SLC9A9: variants seen among roughly 807,000 people sequenced by gnomAD.
SLC9A9 encodes solute carrier family 9 member A9, also known as sodium/hydrogen exchanger 9.
SLC9A9 carries 62 observed loss-of-function variants against 77.8 expected under a neutral mutation model. The observed-to-expected ratio is 0.80, with a 90% CI of 0.65 to 0.98. The LOEUF (loss-of-function observed/expected upper bound fraction) is 0.98, where lower values mean the gene tolerates loss of function less well. SLC9A9 is among the 50% of genes least tolerant of loss of function. The probability of loss-of-function intolerance (pLI) is 0.00; values close to 1 mark genes in which losing one functional copy is unlikely to be tolerated. For synonymous variants in SLC9A9, 320 were observed against 283.5 expected (o/e 1.13, Z -1.29); for missense variants, 775 against 774.9 (o/e 1.00, Z 0.00).
At chr3:143,805,289 C>T (rs1374877363) in intron 2 of SLC9A9, among the ~76,000 whole-genome samples, 1 of 152,116 alleles carries the variant, frequency 6.6e-6, no homozygotes. Flanking sequence ...TCACCCCTTA[C>T]CACAAAATCC....
chr3:143,637,267 A>G lies in SLC9A9; in HGVS notation c.755+14988T>C, dbSNP rs534025483. Among the ~76,000 whole-genome samples the G allele has an allele frequency of 6.2e-4, 65 of 104,948 alleles. 1 individual carries two copies. Among genetic ancestry groups the G allele is most frequent in the Admixed American group, 2.5e-3 (28 of 11,114 alleles). 68.8% of individuals were successfully genotyped at this position (104,948 alleles called of 152,430 possible). On this transcript the variant is annotated intron_variant, in intron 6 of 15. Coordinates refer to ENST00000316549, the MANE Select transcript of SLC9A9 (RefSeq NM_173653.4). ...AATTCAAGATATGAATGAAAAATTT[A>G]CTACAGAGATAGATATTTAAAGAAA...
chr3:143,603,490 T>C (rs1052690043), intron 6 of SLC9A9, among the ~76,000 whole-genome samples: 2 of 152,226 alleles, frequency 1.3e-5, no homozygotes, highest in African/African-American at 4.8e-5. Context: ...TCTTGAATTA[T>C]TCTCTCTGGG....
At position 143,333,616 on chromosome 3, in the gene SLC9A9, C is replaced by T. The variant is rs561916420; in HGVS notation, c.1604+29868G>A. On this transcript the variant is annotated intron_variant, in intron 14 of 15. Transcript: ENST00000316549. ...TGGCTTTAGGAGGGGCATGCTACTG[C>T]AACCAGGTGAGCCACATGGCTTGCC... Among the ~76,000 whole-genome samples, 173 of 152,326 alleles carry T rather than the reference C, an allele frequency of 1.1e-3. 1 individual carries two copies. The highest frequency in any genetic ancestry group is 4.1e-3 in the African/African-American group (172 of 41,564).
At chr3:143,321,164 G>A (rs756644262) in intron 14 of SLC9A9, among the ~76,000 whole-genome samples, 1 of 152,142 alleles carries the variant, frequency 6.6e-6, no homozygotes, top group Non-Finnish European at 1.5e-5. Context: ...GTGGTACTTT[G>A]TTATATCAAC....
rs530484411 is a variant in SLC9A9, at chr3:143,662,679, G to A, written c.650-10319C>T. 1.4e-3 allele frequency among the ~76,000 whole-genome samples: 207 copies of A among 148,376 alleles called. 1 individual carries two copies. The highest frequency in any genetic ancestry group is 4.7e-3 in the African/African-American group (189 of 40,184). ...CTATGCCTGTCTCGGTGGGTCCTAC[G>A]CCCACGGAGCCTTGCTCACTGCTAG... On this transcript the variant is annotated intron_variant, in intron 5 of 15. Transcript: ENST00000316549.
intron 11 of SLC9A9, 110 bp from the exon 12 acceptor site, chr3:143,467,300 A>C (rs2035299024): frequency 1.6e-6 from 2 of 1,219,670 alleles, no homozygotes; most frequent in Admixed American, 2.1e-5. Flanking sequence ...TAATCTTTTT[A>C]TTTTGAGATA....
At chr3:143,660,927 C>T (rs1466089091) in intron 5 of SLC9A9, among the ~76,000 whole-genome samples, 3 of 152,190 alleles carry the variant, frequency 2.0e-5, no homozygotes, top group Non-Finnish European at 4.4e-5. Flanking sequence ...CCTATGAGGT[C>T]CTCTGTTGCT....
intron 14 of SLC9A9, among the ~76,000 whole-genome samples, chr3:143,295,278 T>G (rs1366360051): frequency 6.6e-6 from 1 of 152,238 alleles, no homozygotes; most frequent in Admixed American, 6.5e-5. Context: ...CCATTAATCC[T>G]TACTACACTC....
intron 12 of SLC9A9, among the ~76,000 whole-genome samples, chr3:143,383,952 A>C (rs564858223): frequency 6.6e-6 from 1 of 152,236 alleles, no homozygotes; most frequent in Non-Finnish European, 1.5e-5. Context: ...CTTCACAGGT[A>C]AGTGTCTTCT....
intron 9 of SLC9A9, among the ~76,000 whole-genome samples, chr3:143,502,880 G>A (rs1168772853): frequency 6.6e-6 from 1 of 151,944 alleles, no homozygotes; most frequent in African/African-American, 2.4e-5. Context: ...TCCTAACTGG[G>A]AGCTTTCTAC....
At chr3:143,654,874 A>C (rs1172987507) in intron 5 of SLC9A9, among the ~76,000 whole-genome samples, 1 of 152,166 alleles carries the variant, frequency 6.6e-6, no homozygotes, top group African/African-American at 2.4e-5. Context: ...GAAAGCTTTG[A>C]GCTTTTAAGA....
At chr3:143,787,010 T>TAGTG (rs938364371) in intron 4 of SLC9A9, among the ~76,000 whole-genome samples, 1 of 152,126 alleles carries the variant, frequency 6.6e-6, no homozygotes, top group African/African-American at 2.4e-5. Context: ...AATGAAAATA[T>TAGTG]AGTGGCTCTG....
chr3:143,640,360 A>G lies in SLC9A9; in HGVS notation c.755+11895T>C, dbSNP rs79043222. ...TTTATTATGTTAGCACCTTGGTTCC[A>G]CTTCTGCCTCATGTGTACTGTATTT... On this transcript the variant is annotated intron_variant, in intron 6 of 15. Transcript: ENST00000316549. 2.9e-4 allele frequency among the ~76,000 whole-genome samples: 44 copies of G among 152,184 alleles called. No individual in the cohort carries two copies. The East Asian group carries it at 8.1e-3, about 28-fold the overall frequency.
At chr3:143,350,398 TC>T (rs1447331199) in intron 14 of SLC9A9, among the ~76,000 whole-genome samples, 23 of 152,322 alleles carry the variant, frequency 1.5e-4, no homozygotes, top group African/African-American at 3.1e-4. Context: ...ATCTGATTCC[TC>T]ATTATTTACT....
intron 2 of SLC9A9, among the ~76,000 whole-genome samples, chr3:143,798,275 C>T (rs1017054497): frequency 9.8e-5 from 15 of 152,314 alleles, no homozygotes; most frequent in East Asian, 3.9e-4. Flanking sequence ...GTCACAGACT[C>T]GGGAAGACAG....
intron 4 of SLC9A9, among the ~76,000 whole-genome samples, chr3:143,704,351 A>G (rs6794012): frequency 0.53 from 80,433 of 151,300 alleles, 21,696 homozygotes; most frequent in Non-Finnish European, 0.57. Context: ...TGAATTCAAT[A>G]ACGCACTGAA....
chr3:143,672,284 T>C (rs4566534), intron 5 of SLC9A9, among the ~76,000 whole-genome samples: 17,740 of 152,120 alleles, frequency 0.12, 1,040 homozygotes, highest in East Asian at 0.15. Context: ...ACAAGTGTAA[T>C]ATAGGCTAAA....
At chr3:143,515,517 T>G (rs748381764) in intron 9 of SLC9A9, among the ~76,000 whole-genome samples, 3 of 152,216 alleles carry the variant, frequency 2.0e-5, no homozygotes, top group Non-Finnish European at 1.5e-5. Flanking sequence ...CACCAGCATA[T>G]ACGATGTTTT....
At chr3:143,680,300 A>C (rs970767963) in intron 5 of SLC9A9, among the ~76,000 whole-genome samples, 1 of 152,160 alleles carries the variant, frequency 6.6e-6, no homozygotes, top group Non-Finnish European at 1.5e-5. Context: ...TGAATGATGT[A>C]TTCAAATAGA....
Sources: gnomAD v4.1 joint callset for allele counts (sites outside exome capture counted in the v4.1 genomes callset) on GRCh38, gnomAD v4.1.1 for gene constraint, MANE v1.5 for transcripts, NCBI Gene and HGNC (gene_info 2026-07-23, HGNC 2026-07-21) for gene names.